COL5A2: variants seen among roughly 807,000 people sequenced by gnomAD.
COL5A2 encodes collagen alpha-2(V) chain.
COL5A2 carries 23 observed loss-of-function variants against 208.2 expected under a neutral mutation model. That is an observed-to-expected ratio of 0.11 (90% CI 0.08 to 0.16). The LOEUF is 0.16. Ranked by LOEUF, COL5A2 falls within the 10% of genes least tolerant of loss-of-function variation. The pLI, the probability that COL5A2 is intolerant of heterozygous loss-of-function variation, is 1.00. For synonymous variants in COL5A2, 625 were observed against 628.5 expected (o/e 0.99, Z 0.08); for missense variants, 1,590 against 1,956.4 (o/e 0.81, Z 3.53).
At chr2:189,320,378 G>A in the COL5A2 span, among the ~76,000 whole-genome samples, 2 of 152,264 alleles carry the variant, frequency 1.3e-5, no homozygotes, top group East Asian at 3.9e-4. Context: ...GAGCTAAAGG[G>A]GGAAGTTTGA....
the COL5A2 span, among the ~76,000 whole-genome samples, chr2:189,308,917 A>G: frequency 0.037 from 5,607 of 152,258 alleles, 118 homozygotes; most frequent in Admixed American, 0.05. Flanking sequence ...ATGTCCTAGG[A>G]CTGTGTCACG....
At chr2:189,432,167 A>T in the COL5A2 span, among the ~76,000 whole-genome samples, 2,966 of 152,280 alleles carry the variant, frequency 0.019, 97 homozygotes, top group African/African-American at 0.068. Flanking sequence ...TGTCACCACC[A>T]GGCCTGCCCT....
At position 189,053,932 on chromosome 2, in the gene COL5A2, C is replaced by T. The variant is rs1269087368; in HGVS notation, c.2462G>A (p.Arg821Gln). 4.3e-6 allele frequency: 7 copies of T among 1,613,832 alleles called. No homozygotes were observed. The highest frequency in any genetic ancestry group is 1.6e-4 in the Middle Eastern group (1 of 6,084). The change falls in exon 37 of 54, where the codon CGA becomes CAA. Residue 821 changes from arginine to glutamine, a missense_variant. Transcript: ENST00000374866. Reference protein sequence around the residue: ...PTGEKGEPGPRGLVGPPGSRG... With the variant: ...PTGEKGEPGPQGLVGPPGSRG... ...GGAGCCAGGAGGGCCAACTAAACCT[C>T]GAGGACCAGGTTCACCCTAGAAAGC...
chr2:189,270,484 C>T, the COL5A2 span, among the ~76,000 whole-genome samples: 1 of 152,082 alleles, frequency 6.6e-6, no homozygotes, highest in Non-Finnish European at 1.5e-5. Flanking sequence ...TCGTTATTTA[C>T]CCAGTAGTCA....
chr2:189,322,714 C>A, the COL5A2 span, among the ~76,000 whole-genome samples: 4 of 152,280 alleles, frequency 2.6e-5, no homozygotes, highest in East Asian at 7.7e-4. Context: ...ACGTCCAGGA[C>A]CAGACGGATA....
intron 1 of COL5A2, among the ~76,000 whole-genome samples, chr2:189,175,543 AC>A (rs1199613384): frequency 0.028 from 3,575 of 127,882 alleles, 153 homozygotes; most frequent in African/African-American, 0.091. Flanking sequence ...AAAAAAGAAA[AC>A]TTTTTTTTTT....
At chr2:189,187,040 G>C (rs1688861967) in intron 1 of COL5A2, among the ~76,000 whole-genome samples, 1 of 152,050 alleles carries the variant, frequency 6.6e-6, no homozygotes, top group South Asian at 2.1e-4. Context: ...GTCTCCTAAG[G>C]CATCAATCGT....
At chr2:189,411,432 G>A in the COL5A2 span, among the ~76,000 whole-genome samples, 2 of 152,152 alleles carry the variant, frequency 1.3e-5, no homozygotes, top group Non-Finnish European at 2.9e-5. Context: ...GGGAAGGGCA[G>A]AGCAAGAAGG....
At chr2:189,175,487 A>T (rs930024807) in intron 1 of COL5A2, among the ~76,000 whole-genome samples, 1 of 152,004 alleles carries the variant, frequency 6.6e-6, no homozygotes, top group Non-Finnish European at 1.5e-5. Context: ...TGTGGAGCCA[A>T]TATGCCAGCC....
chr2:189,235,826 C>G, the COL5A2 span, among the ~76,000 whole-genome samples: 1 of 151,718 alleles, frequency 6.6e-6, no homozygotes, highest in Middle Eastern at 3.4e-3. Flanking sequence ...CTACTGTTGG[C>G]CCTTGACTAG....
intron 1 of COL5A2, among the ~76,000 whole-genome samples, chr2:189,210,716 G>C (rs373747206): frequency 6.6e-6 from 1 of 152,186 alleles, no homozygotes; most frequent in Non-Finnish European, 1.5e-5. Flanking sequence ...TTAAAATCTT[G>C]TCAGCTATAT....
the COL5A2 span, among the ~76,000 whole-genome samples, chr2:189,370,085 A>T: frequency 0.14 from 21,533 of 152,134 alleles, 1,957 homozygotes; most frequent in South Asian, 0.21. Context: ...GCCACAATGG[A>T]CACCAAATGA....
the COL5A2 span, among the ~76,000 whole-genome samples, chr2:189,257,829 T>C: frequency 6.6e-6 from 1 of 152,058 alleles, no homozygotes; most frequent in African/African-American, 2.4e-5. Flanking sequence ...TTAAAATACA[T>C]CTAGGCCAGG....
the COL5A2 span, among the ~76,000 whole-genome samples, chr2:189,256,086 G>A: frequency 6.6e-6 from 1 of 152,058 alleles, no homozygotes; most frequent in Non-Finnish European, 1.5e-5. Context: ...TTATATTCCA[G>A]GCAGAGTACC....
At chr2:189,384,203 T>C in the COL5A2 span, among the ~76,000 whole-genome samples, 3 of 152,178 alleles carry the variant, frequency 2.0e-5, no homozygotes, top group Non-Finnish European at 4.4e-5. Flanking sequence ...CTGTGAATAG[T>C]GCTATAATAA....
At chr2:189,386,576 G>A in the COL5A2 span, among the ~76,000 whole-genome samples, 2 of 152,020 alleles carry the variant, frequency 1.3e-5, no homozygotes, top group Non-Finnish European at 1.5e-5. Flanking sequence ...TTTGCAAACT[G>A]TAAGTCTGAC....
At chr2:189,437,442 C>T in the COL5A2 span, among the ~76,000 whole-genome samples, 1 of 152,144 alleles carries the variant, frequency 6.6e-6, no homozygotes, top group South Asian at 2.1e-4. Context: ...GTCCACGGAC[C>T]ACACTTTGTG....
At chr2:189,224,416 C>T (rs1689386411) in intron 1 of COL5A2, among the ~76,000 whole-genome samples, 2 of 152,100 alleles carry the variant, frequency 1.3e-5, no homozygotes, top group South Asian at 2.1e-4. Flanking sequence ...TGGCTGGGCA[C>T]GGTGACTCAC....
the COL5A2 span, among the ~76,000 whole-genome samples, chr2:189,319,064 T>G: frequency 2.0e-5 from 3 of 151,618 alleles, no homozygotes; most frequent in Non-Finnish European, 4.4e-5. Flanking sequence ...TAGACATATT[T>G]GAGAAAAAAA....
Sources: gnomAD v4.1 joint callset for allele counts (sites outside exome capture counted in the v4.1 genomes callset) on GRCh38, gnomAD v4.1.1 for gene constraint, MANE v1.5 for transcripts, NCBI Gene and HGNC (gene_info 2026-07-23, HGNC 2026-07-21) for gene names.